FAM178B: variants seen among roughly 807,000 people sequenced by gnomAD.
FAM178B encodes the protein family with sequence similarity 178 member B, also known as protein FAM178B.
In FAM178B, 82 loss-of-function variants were observed where a neutral mutation model predicts 91.7. That is an observed-to-expected ratio of 0.89 (90% CI 0.75 to 1.07). The LOEUF is 1.07. Ranked by LOEUF, FAM178B falls within the 50% of genes least tolerant of loss-of-function variation. The probability of loss-of-function intolerance (pLI) is 0.00; values close to 1 mark genes in which losing one functional copy is unlikely to be tolerated. For missense variants in FAM178B, 769 were observed against 846.7 expected (o/e 0.91, Z 1.14); for synonymous variants, 368 against 359.4 (o/e 1.02, Z -0.27).
At chr2:96,958,123 C>T (rs963101914) in intron 6 of FAM178B, among the ~76,000 whole-genome samples, 1 of 144,474 alleles carries the variant, frequency 6.9e-6, no homozygotes, top group African/African-American at 2.6e-5. Flanking sequence ...GGCTGGAGTG[C>T]AGTGGCACGA....
intron 12 of FAM178B, among the ~76,000 whole-genome samples, chr2:96,920,484 C>T (rs538793533): frequency 1.1e-4 from 16 of 152,166 alleles, no homozygotes; most frequent in African/African-American, 3.9e-4. Flanking sequence ...CCTGTAGTCC[C>T]AGCTACTCGG....
At chr2:96,967,653 G>A (rs770091756) in intron 4 of FAM178B, 26 bp from the exon 5 acceptor site, 211 of 1,477,298 alleles carry the variant, frequency 1.4e-4, no homozygotes, top group Non-Finnish European at 1.8e-4. Flanking sequence ...GGCCAGAGCC[G>A]GGGGTCAGTG....
chr2:96,900,741 G>C (rs1351818833), intron 13 of FAM178B, among the ~76,000 whole-genome samples: 2 of 152,052 alleles, frequency 1.3e-5, no homozygotes, highest in African/African-American at 4.8e-5. Context: ...GGAGGCATCT[G>C]AGGCAAAAGC....
intron 1 of FAM178B, among the ~76,000 whole-genome samples, chr2:96,977,002 C>G (rs967206055): frequency 6.6e-6 from 1 of 151,976 alleles, no homozygotes; most frequent in Non-Finnish European, 1.5e-5. Flanking sequence ...TGAGACCAGA[C>G]TGGCCAACAT....
At chr2:96,900,710 G>A (rs1478283834) in intron 13 of FAM178B, among the ~76,000 whole-genome samples, 1 of 152,130 alleles carries the variant, frequency 6.6e-6, no homozygotes, top group Non-Finnish European at 1.5e-5. Flanking sequence ...ACTAAGGCCT[G>A]GGGGAAGCAT....
chr2:96,929,667 G>A (rs183196649), intron 8 of FAM178B, among the ~76,000 whole-genome samples: 14 of 152,344 alleles, frequency 9.2e-5, no homozygotes, highest in Admixed American at 3.3e-4. Context: ...CAGAGGCCCC[G>A]AGCTACAAGG....
intron 14 of FAM178B, among the ~76,000 whole-genome samples, chr2:96,890,051 A>C (rs2080633455): frequency 6.6e-6 from 1 of 151,856 alleles, no homozygotes; most frequent in South Asian, 2.1e-4. Flanking sequence ...CGAGGTGGGC[A>C]GATCACCTGA....
chr2:96,898,337 G>A (rs1323782724), intron 13 of FAM178B, among the ~76,000 whole-genome samples: 2 of 152,174 alleles, frequency 1.3e-5, no homozygotes, highest in South Asian at 2.1e-4. Flanking sequence ...GCGGTGCCCT[G>A]CAGTGGTCAA....
intron 12 of FAM178B, among the ~76,000 whole-genome samples, chr2:96,911,095 T>C (rs543370308): frequency 6.6e-6 from 1 of 152,006 alleles, no homozygotes; most frequent in Non-Finnish European, 1.5e-5. Context: ...AAGTTCTACC[T>C]CTTTATGCTT....
intron 6 of FAM178B, 94 bp downstream of exon 6, chr2:96,960,194 T>C (rs2082059336): frequency 2.1e-6 from 3 of 1,407,902 alleles, no homozygotes; most frequent in South Asian, 2.8e-5. Flanking sequence ...CTCTTCGAAC[T>C]TCCCCCTTTG....
chr2:96,951,560 T>C (rs930262585), intron 6 of FAM178B, 76 bp from the exon 7 acceptor site: 14 of 1,092,558 alleles, frequency 1.3e-5, no homozygotes, highest in Non-Finnish European at 1.9e-5. Flanking sequence ...CGGGAGGCTG[T>C]CACTACCCAG....
At position 96,982,735 on chromosome 2, in the gene FAM178B, ATTTTTTTT is replaced by A. The variant is rs58540459; in HGVS notation, c.73+3498_73+3505del. On this transcript the variant is annotated intron_variant, in intron 1 of 16. Transcript: ENST00000490605. ...AGGTTCACACCACCATGCCCAGCTA[ATTTTTTTT>A]TTTTTTTTTTTTTTTTGTAGAGACA... 3.8e-3 allele frequency among the ~76,000 whole-genome samples: 200 copies of A among 52,244 alleles called. 1 individual carries two copies. Among genetic ancestry groups the A allele is most frequent in the Middle Eastern group, 0.034 (2 of 58 alleles). 34.3% of individuals were successfully genotyped at this position (52,244 alleles called of 152,430 possible). A position where few individuals can be genotyped will look rare whatever the true frequency, so the allele number is the denominator to read the frequency against.
At chr2:96,935,979 G>A (rs996079158) in intron 8 of FAM178B, among the ~76,000 whole-genome samples, 1 of 151,632 alleles carries the variant, frequency 6.6e-6, no homozygotes, top group Admixed American at 6.6e-5. Flanking sequence ...CCCTAATTTA[G>A]GCTATGGACT....
At chr2:96,928,978 C>A (rs901579490) in intron 9 of FAM178B, among the ~76,000 whole-genome samples, 2 of 151,920 alleles carry the variant, frequency 1.3e-5, no homozygotes, top group African/African-American at 2.4e-5. Flanking sequence ...AGGGAGACCC[C>A]CCCCCGCCAC....
chr2:96,908,291 A>G (rs1482383312), intron 12 of FAM178B, among the ~76,000 whole-genome samples: 1 of 152,236 alleles, frequency 6.6e-6, no homozygotes, highest in Non-Finnish European at 1.5e-5. Context: ...GAACCCGTCT[A>G]TATATAACCA....
intron 1 of FAM178B, among the ~76,000 whole-genome samples, chr2:96,985,658 C>G (rs1574335148): frequency 6.6e-6 from 1 of 152,320 alleles, no homozygotes; most frequent in East Asian, 1.9e-4. Context: ...TACAATGGTG[C>G]TGTTTCTGCG....
At position 96,915,151 on chromosome 2, in the gene FAM178B, C is replaced by T. The variant is rs116163648; in HGVS notation, c.1562+6014G>A. 1.2e-3 allele frequency among the ~76,000 whole-genome samples: 175 copies of T among 152,024 alleles called. 1 individual carries two copies. Among genetic ancestry groups the T allele is most frequent in the African/African-American group, 4.0e-3 (165 of 41,474 alleles). ...TTGAGACGAAGTCTCACTCTGCCTCCTAGGTTGGAGTGCAATGGCACAATC... is the reference window on the plus strand; with the variant it reads ...TTGAGACGAAGTCTCACTCTGCCTCTTAGGTTGGAGTGCAATGGCACAATC... On this transcript the variant is annotated intron_variant, in intron 12 of 16. Coordinates refer to ENST00000490605, the MANE Select transcript of FAM178B (RefSeq NM_001122646.3).
chr2:96,984,769 C>T (rs1386291978), intron 1 of FAM178B, among the ~76,000 whole-genome samples: 2 of 152,012 alleles, frequency 1.3e-5, no homozygotes, highest in African/African-American at 2.4e-5. Context: ...TTTGCCAATC[C>T]CCTCCCTCAC....
At chr2:96,957,414 C>T (rs2082014618) in intron 6 of FAM178B, among the ~76,000 whole-genome samples, 2 of 152,174 alleles carry the variant, frequency 1.3e-5, no homozygotes, top group African/African-American at 4.8e-5. Context: ...AGCCCAAAGC[C>T]GATTCCCAAG....
Sources: gnomAD v4.1 joint callset for allele counts (sites outside exome capture counted in the v4.1 genomes callset) on GRCh38, gnomAD v4.1.1 for gene constraint, MANE v1.5 for transcripts, NCBI Gene and HGNC (gene_info 2026-07-23, HGNC 2026-07-21) for gene names.